The following MYO5B variants were observed in gnomAD, a reference collection of about 807,000 sequenced individuals.
MYO5B encodes the protein myosin VB, also known as unconventional myosin-Vb.
MYO5B carries 143 observed loss-of-function variants against 229.3 expected under a neutral mutation model. That is an observed-to-expected ratio of 0.62 (90% CI 0.54 to 0.72). The LOEUF (loss-of-function observed/expected upper bound fraction) is 0.72. Ranked by LOEUF, MYO5B falls within the 30% of genes least tolerant of loss-of-function variation. The pLI, the probability that MYO5B is intolerant of heterozygous loss-of-function variation, is 0.00. For synonymous variants in MYO5B, 918 were observed against 885.2 expected (o/e 1.04, Z -0.66); for missense variants, 2,321 against 2,331.0 (o/e 1.00, Z 0.09).
intron 1 of MYO5B, among the ~76,000 whole-genome samples, chr18:50,070,843 G>A (rs1353702211): frequency 7.0e-6 from 1 of 141,952 alleles, no homozygotes; most frequent in African/African-American, 2.6e-5. Context: ...CCACACTCCA[G>A]CCACATTCAC....
chr18:49,849,108 T>C (rs1217867778), intron 32 of MYO5B, among the ~76,000 whole-genome samples: 1 of 151,990 alleles, frequency 6.6e-6, no homozygotes, highest in East Asian at 1.9e-4. Flanking sequence ...GGAGAGAACA[T>C]TCTAGGTCTT....
chr18:49,990,530 G>A lies in MYO5B; in HGVS notation c.757-10C>T. ...TCCTCTCATCATCTGCCTGGAGGAG[G>A]AAGAAGTGAAGCAGTTTTAGGGCAG... On this transcript the variant is annotated splice_polypyrimidine_tract_variant and intron_variant, in intron 6 of 39. Coordinates refer to ENST00000285039, the MANE Select transcript of MYO5B (RefSeq NM_001080467.3). The A allele has an allele frequency of 1.2e-6, 2 of 1,610,640 alleles. No individual in the cohort carries two copies. The highest frequency in any genetic ancestry group is 1.1e-5 in the South Asian group (1 of 90,990).
At chr18:50,049,112 G>T (rs1169685956) in intron 2 of MYO5B, among the ~76,000 whole-genome samples, 1 of 151,610 alleles carries the variant, frequency 6.6e-6, no homozygotes, top group Non-Finnish European at 1.5e-5. Context: ...TCCTGCCATG[G>T]CCACCACTGT....
intron 26 of MYO5B, among the ~76,000 whole-genome samples, chr18:49,873,753 G>C (rs896098318): frequency 6.6e-6 from 1 of 152,206 alleles, no homozygotes; most frequent in Non-Finnish European, 1.5e-5. Flanking sequence ...GTTCGTAAGT[G>C]GGAAGCCCAT....
chr18:50,146,651 T>C (rs2032507317), intron 1 of MYO5B, among the ~76,000 whole-genome samples: 1 of 152,218 alleles, frequency 6.6e-6, no homozygotes, highest in South Asian at 2.1e-4. Flanking sequence ...CGTGTTTAAG[T>C]TCTATACTTT....
intron 29 of MYO5B, among the ~76,000 whole-genome samples, chr18:49,858,610 C>G (rs961657635): frequency 2.0e-5 from 3 of 152,214 alleles, no homozygotes; most frequent in African/African-American, 7.2e-5. Context: ...GCAGAGCTCT[C>G]TAGGGTGGGG....
At chr18:50,076,928 CA>C (rs35236740) in intron 1 of MYO5B, among the ~76,000 whole-genome samples, 107,105 of 148,638 alleles carry the variant, frequency 0.72, 39,540 homozygotes, top group Middle Eastern at 0.84. Flanking sequence ...ACTGATGTTG[CA>C]AAAAAAAAAA....
chr18:49,969,531 G>A (rs978804765), intron 10 of MYO5B, among the ~76,000 whole-genome samples: 2 of 152,130 alleles, frequency 1.3e-5, no homozygotes, highest in East Asian at 1.9e-4. Flanking sequence ...CCACACTGTG[G>A]CGTGTACTTT....
At chr18:50,163,302 G>C (rs886842180) in intron 1 of MYO5B, among the ~76,000 whole-genome samples, 1 of 152,220 alleles carries the variant, frequency 6.6e-6, no homozygotes, top group Admixed American at 6.5e-5. Flanking sequence ...GCAGTGGGGA[G>C]AGAGCTCGGC....
intron 14 of MYO5B, among the ~76,000 whole-genome samples, chr18:49,952,940 G>A (rs1454999036): frequency 6.6e-6 from 1 of 151,686 alleles, no homozygotes; most frequent in Non-Finnish European, 1.5e-5. Context: ...TGCGCTCACC[G>A]TCCTCTCTTC....
intron 26 of MYO5B, among the ~76,000 whole-genome samples, chr18:49,873,982 A>G (rs1407743443): frequency 6.6e-6 from 1 of 152,240 alleles, no homozygotes; most frequent in African/African-American, 2.4e-5. Flanking sequence ...ATCTCTCTCC[A>G]GAATGAAGAC....
At chr18:49,914,629 A>T (rs944176811) in intron 17 of MYO5B, among the ~76,000 whole-genome samples, 1 of 151,848 alleles carries the variant, frequency 6.6e-6, no homozygotes, top group African/African-American at 2.4e-5. Context: ...AAAGTACAAA[A>T]ATTAGCTGGG....
chr18:50,151,697 T>C (rs148299258), intron 1 of MYO5B, among the ~76,000 whole-genome samples: 92 of 150,744 alleles, frequency 6.1e-4, no homozygotes, highest in African/African-American at 2.0e-3. Flanking sequence ...AAACACTGAA[T>C]TTTTTTTTTA....
intron 35 of MYO5B, among the ~76,000 whole-genome samples, chr18:49,841,146 T>C (rs534273967): frequency 2.6e-5 from 4 of 152,276 alleles, no homozygotes; most frequent in East Asian, 3.9e-4. Context: ...GGAGTGCTTT[T>C]TGGGGCCCCT....
At position 49,990,529 on chromosome 18, in the gene MYO5B, G is replaced by T; in HGVS notation, c.757-9C>A. 1 of 1,611,696 alleles carries T rather than the reference G, an allele frequency of 6.2e-7. No homozygotes were observed. Among genetic ancestry groups the T allele is most frequent in the Admixed American group, 1.7e-5 (1 of 60,006 alleles). On this transcript the variant is annotated splice_polypyrimidine_tract_variant and intron_variant, in intron 6 of 39. Coordinates refer to ENST00000285039, the MANE Select transcript of MYO5B (RefSeq NM_001080467.3). ...TTCCTCTCATCATCTGCCTGGAGGA[G>T]GAAGAAGTGAAGCAGTTTTAGGGCA...
At chr18:49,883,577 T>TACAAATTCAATACAGAATAAATTTAAC (rs2024611630) in intron 22 of MYO5B, among the ~76,000 whole-genome samples, 1 of 152,214 alleles carries the variant, frequency 6.6e-6, no homozygotes, top group African/African-American at 2.4e-5. Flanking sequence ...AGATTCAATG[T>TACAAATTCAATACAGAATAAATTTAAC]AATCATTATG....
intron 22 of MYO5B, among the ~76,000 whole-genome samples, chr18:49,890,982 A>AC (rs1443714376): frequency 6.6e-6 from 1 of 152,100 alleles, no homozygotes; most frequent in Non-Finnish European, 1.5e-5. Flanking sequence ...TTCCTCTCTC[A>AC]CCCCTAAGCT....
At chr18:50,021,744 C>T (rs1367600665) in intron 4 of MYO5B, among the ~76,000 whole-genome samples, 1 of 135,690 alleles carries the variant, frequency 7.4e-6, no homozygotes, top group African/African-American at 2.7e-5. Flanking sequence ...AAAAATCTTA[C>T]AAGCATTTCA....
intron 1 of MYO5B, among the ~76,000 whole-genome samples, chr18:50,146,372 T>C (rs2032502766): frequency 6.6e-6 from 1 of 152,250 alleles, no homozygotes; most frequent in Non-Finnish European, 1.5e-5. Context: ...ACATTGTGGC[T>C]ACAGGCAAGC....
Sources: gnomAD v4.1 joint callset for allele counts (sites outside exome capture counted in the v4.1 genomes callset) on GRCh38, gnomAD v4.1.1 for gene constraint, MANE v1.5 for transcripts, NCBI Gene and HGNC (gene_info 2026-07-23, HGNC 2026-07-21) for gene names.